Variants in RPSA2 observed in about 807,000 individuals in gnomAD.
The protein encoded by RPSA2 is ribosomal protein SA 2, also known as small ribosomal subunit protein uS2B.
the RPSA2 span, chr19:23,759,037 T>G: frequency 1.9e-6 from 1 of 536,186 alleles, no homozygotes; most frequent in Non-Finnish European, 3.3e-6. Flanking sequence ...TCAGATGCTC[T>G]GCTGAATGAA....
At chr19:23,835,106 A>G in the RPSA2 span, among the ~76,000 whole-genome samples, 1 of 152,122 alleles carries the variant, frequency 6.6e-6, no homozygotes, top group South Asian at 2.1e-4. Flanking sequence ...GTACAATTAA[A>G]TTGTTATTGA....
the RPSA2 span, among the ~76,000 whole-genome samples, chr19:23,834,311 C>G: frequency 2.1e-5 from 1 of 48,594 alleles, no homozygotes; most frequent in Non-Finnish European, 4.0e-5. Flanking sequence ...TCTTAAATTA[C>G]TTCATGCTCT....
the RPSA2 span, among the ~76,000 whole-genome samples, chr19:23,792,591 G>GTTTTTTT: frequency 7.6e-5 from 11 of 144,246 alleles, no homozygotes; most frequent in East Asian, 2.0e-4. Context: ...TTTTGTTTTT[G>GTTTTTTT]TTTTTTTTTT....
the RPSA2 span, chr19:23,807,898 C>T: frequency 5.3e-6 from 2 of 374,050 alleles, no homozygotes. Flanking sequence ...CACTGCACAG[C>T]AGAATTTATA....
At chr19:23,846,011 T>C in the RPSA2 span, among the ~76,000 whole-genome samples, 1 of 152,224 alleles carries the variant, frequency 6.6e-6, no homozygotes, top group Non-Finnish European at 1.5e-5. Flanking sequence ...AGTAGAATGC[T>C]GAATTTCTCC....
the RPSA2 span, among the ~76,000 whole-genome samples, chr19:23,781,669 G>A: frequency 6.6e-6 from 1 of 152,086 alleles, no homozygotes; most frequent in Non-Finnish European, 1.5e-5. Flanking sequence ...GGAAATTGAG[G>A]CTCTCATGCA....
chr19:23,862,239 C>T, the RPSA2 span, among the ~76,000 whole-genome samples: 1 of 152,060 alleles, frequency 6.6e-6, no homozygotes, highest in Admixed American at 6.6e-5. Flanking sequence ...TATCCTGAGA[C>T]ATTGCTGAAG....
chr19:23,869,372 C>T, the RPSA2 span, among the ~76,000 whole-genome samples: 1 of 151,820 alleles, frequency 6.6e-6, no homozygotes, highest in Non-Finnish European at 1.5e-5. Context: ...GTTCTTGGTT[C>T]TATTTATGTA....
chr19:23,834,596 G>T, the RPSA2 span, among the ~76,000 whole-genome samples: 5 of 152,046 alleles, frequency 3.3e-5, no homozygotes, highest in Admixed American at 6.6e-5. Flanking sequence ...GTTAAAATTA[G>T]GTTAGTAATG....
the RPSA2 span, chr19:23,808,896 A>G: frequency 2.8e-6 from 1 of 358,374 alleles, no homozygotes; most frequent in Non-Finnish European, 5.2e-6. Context: ...TGATTTGGGA[A>G]GCTGTGTTCA....
At chr19:23,854,738 T>C in the RPSA2 span, among the ~76,000 whole-genome samples, 1 of 152,202 alleles carries the variant, frequency 6.6e-6, no homozygotes, top group Admixed American at 6.5e-5. Flanking sequence ...TTGACTGCAA[T>C]TATAGCAGGC....
the RPSA2 span, among the ~76,000 whole-genome samples, chr19:23,766,541 G>T: frequency 6.9e-6 from 1 of 144,948 alleles, no homozygotes; most frequent in African/African-American, 2.6e-5. Flanking sequence ...TGCAAGCTCC[G>T]CCTCCCGGGT....
chr19:23,775,046 G>A, the RPSA2 span, among the ~76,000 whole-genome samples: 1 of 152,278 alleles, frequency 6.6e-6, no homozygotes, highest in East Asian at 1.9e-4. Flanking sequence ...TGTGGGCTTG[G>A]GAAAATGAGT....
chr19:23,831,105 C>T, the RPSA2 span, among the ~76,000 whole-genome samples: 1 of 151,966 alleles, frequency 6.6e-6, no homozygotes, highest in Non-Finnish European at 1.5e-5. Context: ...GCTGCTCTAC[C>T]ACTTTTTTTT....
chr19:23,855,627 G>A, the RPSA2 span, among the ~76,000 whole-genome samples: 2 of 151,810 alleles, frequency 1.3e-5, no homozygotes, highest in African/African-American at 4.8e-5. Context: ...GTAGATAAGG[G>A]AAACTGAGGT....
the RPSA2 span, among the ~76,000 whole-genome samples, chr19:23,805,107 C>G: frequency 7.0e-6 from 1 of 142,772 alleles, no homozygotes; most frequent in Admixed American, 7.0e-5. Flanking sequence ...ACCTGAGGAC[C>G]AAAAAAATAA....
At chr19:23,861,604 G>A in the RPSA2 span, among the ~76,000 whole-genome samples, 5 of 152,054 alleles carry the variant, frequency 3.3e-5, no homozygotes, top group African/African-American at 1.2e-4. Flanking sequence ...CTGCTTTAGT[G>A]TCTTGTTGAA....
chr19:23,832,713 A>C, the RPSA2 span: 1 of 1,522,712 alleles, frequency 6.6e-7, no homozygotes, highest in East Asian at 2.6e-5. Context: ...CTGGAGAGAA[A>C]CCCTACAAAT....
At chr19:23,852,901 A>C in the RPSA2 span, among the ~76,000 whole-genome samples, 1 of 152,232 alleles carries the variant, frequency 6.6e-6, no homozygotes, top group Non-Finnish European at 1.5e-5. Context: ...ATGGAACAGG[A>C]GGTGTCTGTT....
Sources: gnomAD v4.1 joint callset for allele counts (sites outside exome capture counted in the v4.1 genomes callset) on GRCh38, gnomAD v4.1.1 for gene constraint, MANE v1.5 for transcripts, NCBI Gene and HGNC (gene_info 2026-07-23, HGNC 2026-07-21) for gene names.